The following TPRX1 variants were observed in gnomAD, a reference collection of about 807,000 sequenced individuals.
The protein encoded by TPRX1 is tetrapeptide repeat homeobox 1, also known as tetra-peptide repeat homeobox protein 1.
In TPRX1, 2 loss-of-function variants were observed where a neutral mutation model predicts 8.1. The ratio of observed to expected loss-of-function variants is 0.25; its 90% CI spans 0.10 to 0.78. TPRX1 has a LOEUF of 0.78. Ranked by LOEUF, TPRX1 falls within the 30% of genes least tolerant of loss-of-function variation. TPRX1 has a pLI of 0.70. For missense variants in TPRX1, 517 were observed against 586.9 expected, an observed-to-expected ratio of 0.88 and a Z score of 1.23; for synonymous variants, 257 against 254.1, an observed-to-expected ratio of 1.01 and a Z score of -0.11.
exon 4 of TPRX1, chr19:47,802,292 G>T (rs762365298): frequency 7.5e-7 from 1 of 1,329,834 alleles, no homozygotes; most frequent in Non-Finnish European, 1.0e-6. Flanking sequence ...GATTGGGCCT[G>T]GGATCGGGCC....
chr19:47,815,114 TTATATATATATATATATA>T lies in TPRX1; in HGVS notation c.151+3336_151+3353del, dbSNP rs548380113. Among the ~76,000 whole-genome samples, 18 of 63,390 alleles carry T rather than the reference TTATATATATATATATATA, an allele frequency of 2.8e-4. 1 individual carries two copies. The highest frequency in any genetic ancestry group is 9.5e-4 in the Admixed American group (4 of 4,200). The allele number at this position is 63,390 out of a possible 152,430, so 41.6% of individuals were successfully genotyped here. On this transcript the variant is annotated intron_variant, in intron 2 of 3. Transcript: ENST00000535759. ...GTGCTTAGCTCAATAAATAGATAAA[TTATATATATATATATATA>T]TATATATATATGCAAATATATATAT...
At chr19:47,802,119 A>G in exon 4 of TPRX1, 1 of 1,583,002 alleles carries the variant, frequency 6.3e-7, no homozygotes, top group Non-Finnish European at 8.6e-7. Context: ...CCTGGAAGTG[A>G]GCCAGGGCTT....
chr19:47,804,373 C>G (rs1407993998), intron 2 of TPRX1, among the ~76,000 whole-genome samples, 142 bp downstream of exon 1: 2 of 152,096 alleles, frequency 1.3e-5, no homozygotes, highest in African/African-American at 4.8e-5. Flanking sequence ...TTTCATTTCC[C>G]AGACACCACT....
Position 47,801,834 on chromosome 19 carries a change from C to A in TPRX1, c.1468G>T (p.Glu490Ter). The change falls in exon 4 of 4, where the codon GAG (glutamate) becomes TAG (stop). Residue 490 changes from glutamate to a stop codon, truncating the protein, a stop_gained. Transcript: ENST00000535759. LOFTEE classifies it low-confidence loss of function (END_TRUNC). ...TTTTCATTCACAGAGCCACCCTCCTCTTGGGGCTGAGACCCTGAGTGTTTT... is the reference window on the plus strand; with the variant it reads ...TTTTCATTCACAGAGCCACCCTCCTATTGGGGCTGAGACCCTGAGTGTTTT... The A allele has an allele frequency of 6.2e-7, 1 of 1,614,154 alleles. No homozygotes were observed. Among genetic ancestry groups the A allele is most frequent in the East Asian group, 2.2e-5 (1 of 44,882 alleles).
At chr19:47,807,916 T>C (rs1473637907) in intron 2 of TPRX1, among the ~76,000 whole-genome samples, 6 of 151,978 alleles carry the variant, frequency 3.9e-5, no homozygotes, top group Admixed American at 1.3e-4. Flanking sequence ...ATGAAATGTG[T>C]ATAGTACCCT....
chr19:47,810,793 G>A (rs1184113776), intron 2 of TPRX1, among the ~76,000 whole-genome samples: 1 of 152,022 alleles, frequency 6.6e-6, no homozygotes, highest in East Asian at 1.9e-4. Context: ...TGGTGCAGGG[G>A]GAGGGGGTTC....
chr19:47,810,726 C>T (rs1967775244), intron 2 of TPRX1, among the ~76,000 whole-genome samples: 1 of 152,088 alleles, frequency 6.6e-6, no homozygotes, highest in Admixed American at 6.6e-5. Context: ...ATCTTTGCTC[C>T]TGCCCCCAAG....
chr19:47,814,880 A>G (rs1599956761), intron 2 of TPRX1, among the ~76,000 whole-genome samples: 1 of 151,672 alleles, frequency 6.6e-6, no homozygotes, highest in Non-Finnish European at 1.5e-5. Flanking sequence ...GCTCACTGCA[A>G]CCTCTGCCTC....
chr19:47,817,704 T>G (rs967740967), intron 2 of TPRX1, among the ~76,000 whole-genome samples: 5 of 152,052 alleles, frequency 3.3e-5, no homozygotes, highest in African/African-American at 9.7e-5. Context: ...CCAGGGCTCA[T>G]TGTGACAGCT....
chr19:47,808,096 A>G (rs541491338), intron 2 of TPRX1, among the ~76,000 whole-genome samples: 10 of 151,852 alleles, frequency 6.6e-5, no homozygotes, highest in African/African-American at 1.9e-4. Context: ...TGTCCGGGTA[A>G]TTTTCTTATT....
At chr19:47,801,619 A>G (rs1967663534) in exon 4 of TPRX1, 1 of 870,282 alleles carries the variant, frequency 1.1e-6, no homozygotes, top group Non-Finnish European at 1.7e-6. Context: ...CATTCACAGC[A>G]GAGCCACCTG....
At chr19:47,807,148 C>T (rs1483279591) in intron 2 of TPRX1, among the ~76,000 whole-genome samples, 3 of 152,174 alleles carry the variant, frequency 2.0e-5, no homozygotes, top group African/African-American at 7.2e-5. Flanking sequence ...TCAAGTGATC[C>T]ACCCATCTCG....
At chr19:47,802,946 C>T (rs781741904) in exon 4 of TPRX1, 5 of 1,553,578 alleles carry the variant, frequency 3.2e-6, no homozygotes, top group Middle Eastern at 2.2e-4. Context: ...CCGCCGCTCC[C>T]GAGCTAGTTT....
intron 2 of TPRX1, among the ~76,000 whole-genome samples, chr19:47,809,315 C>G (rs992664534): frequency 6.6e-6 from 1 of 151,838 alleles, no homozygotes; most frequent in African/African-American, 2.4e-5. Context: ...GGGTCTCTCT[C>G]TATCACCCAG....
Position 47,816,731 on chromosome 19 carries a change from A to G in TPRX1, c.151+1737T>C, listed in dbSNP as rs151155742. Reference sequence around the variant, plus strand: ...TATTTTTTAGTAGAGATGGGGTTTCACCATGTTAGCCAGGATGGTCTCGAT... The same window carrying G: ...TATTTTTTAGTAGAGATGGGGTTTCGCCATGTTAGCCAGGATGGTCTCGAT... On this transcript the variant is annotated intron_variant, in intron 2 of 3. Coordinates refer to ENST00000535759, the Ensembl canonical transcript of TPRX1. Among the ~76,000 whole-genome samples, 165 of 151,266 alleles carry G rather than the reference A, an allele frequency of 1.1e-3. 2 individuals are homozygous for G. Among genetic ancestry groups the G allele is most frequent in the African/African-American group, 2.8e-3 (115 of 41,190 alleles).
intron 2 of TPRX1, among the ~76,000 whole-genome samples, chr19:47,804,966 C>T (rs1967721864): frequency 6.6e-6 from 1 of 152,232 alleles, no homozygotes; most frequent in South Asian, 2.1e-4. Context: ...AGTCTACCCA[C>T]TCCTCCTGGC....
At chr19:47,813,668 C>G (rs1445755727) in intron 2 of TPRX1, among the ~76,000 whole-genome samples, 2 of 151,796 alleles carry the variant, frequency 1.3e-5, no homozygotes, top group Non-Finnish European at 2.9e-5. Context: ...TTGTGGGGTC[C>G]CAGTGTGTGA....
At chr19:47,808,801 C>T (rs1207667569) in intron 2 of TPRX1, among the ~76,000 whole-genome samples, 10 of 152,138 alleles carry the variant, frequency 6.6e-5, no homozygotes, top group East Asian at 5.8e-4. Context: ...ATACTTGCTC[C>T]GCTGTGAATA....
intron 2 of TPRX1, among the ~76,000 whole-genome samples, chr19:47,810,388 G>A (rs1397968283): frequency 2.4e-4 from 25 of 103,340 alleles, no homozygotes; most frequent in African/African-American, 7.3e-4. Context: ...TCGCTCTGTC[G>A]CCCAGGCTGG....
Sources: allele counts gnomAD v4.1 joint callset (sites outside exome capture counted in the v4.1 genomes callset), GRCh38; gene constraint gnomAD v4.1.1; transcripts MANE v1.5; gene names NCBI Gene and HGNC (gene_info 2026-07-23, HGNC 2026-07-21).